Variants in PCDHGB2 observed in about 807,000 individuals in gnomAD.
PCDHGB2 encodes protocadherin gamma subfamily B, 2.
A neutral mutation model predicts 59.3 loss-of-function variants in PCDHGB2; 55 were observed. The observed-to-expected ratio is 0.93, with a 90% CI of 0.75 to 1.16. PCDHGB2 has a LOEUF of 1.16. PCDHGB2 is among the 50% of genes most tolerant of loss of function. The pLI, the probability that PCDHGB2 is intolerant of heterozygous loss-of-function variation, is 0.00. For synonymous variants in PCDHGB2, 516 were observed against 512.0 expected (o/e 1.01, Z -0.11); for missense variants, 1,228 against 1,198.5 (o/e 1.02, Z -0.36).
intron 1 of PCDHGB2, chr5:141,384,958 T>A: frequency 6.2e-7 from 1 of 1,613,954 alleles, no homozygotes; most frequent in Non-Finnish European, 8.5e-7. Context: ...TCCTTACAAC[T>A]ATGACCTCAC....
intron 1 of PCDHGB2, among the ~76,000 whole-genome samples, chr5:141,363,553 A>G (rs954649159): frequency 4.6e-5 from 7 of 152,274 alleles, no homozygotes; most frequent in African/African-American, 9.6e-5. Context: ...ATATTTGAAC[A>G]TGGTAATAGA....
intron 1 of PCDHGB2, among the ~76,000 whole-genome samples, chr5:141,448,476 G>A (rs1002358317): frequency 1.3e-5 from 2 of 151,976 alleles, no homozygotes; most frequent in African/African-American, 4.8e-5. Flanking sequence ...TTCCACCCTT[G>A]CTTCCTCCTG....
intron 1 of PCDHGB2, among the ~76,000 whole-genome samples, chr5:141,437,886 C>T (rs763669578): frequency 1.1e-4 from 17 of 152,140 alleles, no homozygotes; most frequent in Non-Finnish European, 1.5e-4. Context: ...TACAGGCACA[C>T]GCCACCACAC....
intron 1 of PCDHGB2, among the ~76,000 whole-genome samples, chr5:141,439,530 C>T (rs1003383726): frequency 6.6e-6 from 1 of 152,180 alleles, no homozygotes; most frequent in Non-Finnish European, 1.5e-5. Flanking sequence ...CTCTACAGAA[C>T]GCTGTCCTCT....
At chr5:141,393,367 G>A (rs1302436646) in intron 1 of PCDHGB2, 2 of 1,613,962 alleles carry the variant, frequency 1.2e-6, no homozygotes, top group East Asian at 2.2e-5. Flanking sequence ...GTGCAGACTG[G>A]AGACAATGGA....
intron 1 of PCDHGB2, chr5:141,421,405 C>T (rs2096570069): frequency 6.2e-7 from 1 of 1,614,074 alleles, no homozygotes; most frequent in African/African-American, 1.3e-5. Context: ...GCCCCGGGAG[C>T]TGGCGAAGCG....
chr5:141,372,034 G>A (rs1308858640), intron 1 of PCDHGB2: 10 of 1,613,358 alleles, frequency 6.2e-6, no homozygotes, highest in Non-Finnish European at 8.5e-6. Context: ...GCCAACGTGA[G>A]CCTGCGCGTG....
chr5:141,389,553 G>T, intron 1 of PCDHGB2: 1 of 1,613,234 alleles, frequency 6.2e-7, no homozygotes. Context: ...CAACGACAAT[G>T]CGCCACGGGT....
At position 141,365,321 on chromosome 5, in the gene PCDHGB2, G is replaced by T. The variant is rs552296703; in HGVS notation, c.2421+2765G>T. ...GGATGGAGGCGCTCTTGTTGCCAGC[G>T]CTAAGGTGGTGGTCACAGTACAGGA... On this transcript the variant is annotated intron_variant, in intron 1 of 3. Transcript: ENST00000522605. 6.8e-6 allele frequency: 11 copies of T among 1,613,946 alleles called. No homozygotes were observed. In the African/African-American group the frequency reaches 1.3e-4, roughly 20 times the overall value.
chr5:141,385,687 C>T, intron 1 of PCDHGB2: 1 of 334,978 alleles, frequency 3.0e-6, no homozygotes, highest in Non-Finnish European at 4.4e-6. Context: ...GCTGTCTTCT[C>T]AGGATTCTCT....
intron 2 of PCDHGB2, among the ~76,000 whole-genome samples, chr5:141,496,121 C>A (rs1391009290): frequency 6.6e-6 from 1 of 152,088 alleles, no homozygotes; most frequent in Non-Finnish European, 1.5e-5. Flanking sequence ...TCCTTCCCTG[C>A]CCCTCACACA....
intron 1 of PCDHGB2, chr5:141,364,640 G>T: frequency 6.2e-7 from 1 of 1,614,130 alleles, no homozygotes; most frequent in Non-Finnish European, 8.5e-7. Context: ...ACTGTGTGTG[G>T]TGAACTTTAA....
intron 1 of PCDHGB2, among the ~76,000 whole-genome samples, chr5:141,447,123 T>TTTTG (rs1327676720): frequency 6.6e-6 from 1 of 152,160 alleles, no homozygotes; most frequent in Admixed American, 6.6e-5. Context: ...CCATGGATTT[T>TTTTG]TTTGTTTGTT....
At chr5:141,388,841 A>G in intron 1 of PCDHGB2, 1 of 1,614,022 alleles carries the variant, frequency 6.2e-7, no homozygotes. Context: ...TTTTGGAAGC[A>G]AGGGACGGTG....
intron 1 of PCDHGB2, chr5:141,416,406 T>C (rs2096021956): frequency 6.6e-6 from 1 of 152,224 alleles, no homozygotes; most frequent in Non-Finnish European, 1.5e-5. Flanking sequence ...TTGTCTTTTT[T>C]GTTAAATTTT....
In PCDHGB2 at chr5:141,431,317, C is replaced by G; in HGVS notation, c.2422-63490C>G. 2 of 1,614,082 alleles carry G rather than the reference C, an allele frequency of 1.2e-6. No homozygotes were observed. The highest frequency in any genetic ancestry group is 1.7e-6 in the Non-Finnish European group (2 of 1,180,038). On this transcript the variant is annotated intron_variant, in intron 1 of 3. Transcript: ENST00000522605. The surrounding 1 kb of genome is among the most constrained non-coding windows in gnomAD (Gnocchi z 4.8). ...TCTCCCTCATCGTGCAAAATGGAGC[C>G]GACGGTAGTAAGTACCCCGAATTGG...
At chr5:141,408,301 C>G in intron 1 of PCDHGB2, 1 of 1,613,756 alleles carries the variant, frequency 6.2e-7, no homozygotes, top group Non-Finnish European at 8.5e-7. Context: ...GTGAGCCGAT[C>G]CGCTACTCGA....
intron 1 of PCDHGB2, chr5:141,390,870 G>A (rs1003231489): frequency 2.2e-5 from 3 of 134,656 alleles, no homozygotes; most frequent in African/African-American, 9.4e-5. Context: ...GTGTGTGCGT[G>A]TGTGTGTGTG....
rs116187844 is a variant in PCDHGB2, at chr5:141,424,198, C to T, written c.2421+61642C>T. The T allele has an allele frequency of 8.5e-3, 1,543 of 182,010 alleles. 28 individuals are homozygous for T. Among genetic ancestry groups the T allele is most frequent in the African/African-American group, 0.035 (1,445 of 41,852 alleles). The allele number at this position is 182,010 out of a possible 1,614,324, so 11.3% of individuals were successfully genotyped here. ...ATACACATGCACACACACTTATACA[C>T]GTAAGCTTTTCTCTGAGCAATTTTA... On this transcript the variant is annotated intron_variant, in intron 1 of 3. Coordinates refer to ENST00000522605, the MANE Select transcript of PCDHGB2 (RefSeq NM_018923.3).
Sources: gnomAD v4.1 joint callset for allele counts (sites outside exome capture counted in the v4.1 genomes callset) on GRCh38, gnomAD v4.1.1 for gene constraint, Gnocchi (gnomAD v3.1) non-coding constraint, MANE v1.5 for transcripts, NCBI Gene and HGNC (gene_info 2026-07-23, HGNC 2026-07-21) for gene names.